Variants in GSPT1 observed in about 807,000 individuals in gnomAD.
GSPT1 encodes eukaryotic peptide chain release factor GTP-binding subunit ERF3A.
GSPT1 carries 20 observed loss-of-function variants against 72.5 expected under a neutral mutation model. The observed-to-expected ratio is 0.28, with a 90% CI of 0.19 to 0.40. The LOEUF is 0.40. Among genes scored for constraint, GSPT1 ranks in the 10% least tolerant of loss-of-function variants. The probability of loss-of-function intolerance (pLI) is 1.00; values close to 1 mark genes in which losing one functional copy is unlikely to be tolerated. For synonymous variants in GSPT1, 334 were observed against 293.5 expected (o/e 1.14, Z -1.41); for missense variants, 580 against 811.9 (o/e 0.71, Z 3.47).
chr16:11,903,854 G>C (rs1240698366), intron 1 of GSPT1: 2 of 152,388 alleles, frequency 1.3e-5, no homozygotes, highest in African/African-American at 4.8e-5. Flanking sequence ...ATGTGTCGTA[G>C]TTCAGGAACA....
At chr16:11,900,683 A>G (rs1005130026) in intron 1 of GSPT1, among the ~76,000 whole-genome samples, 1 of 152,202 alleles carries the variant, frequency 6.6e-6, no homozygotes, top group Non-Finnish European at 1.5e-5. Context: ...ACACACAGTT[A>G]TGATGTACTG....
rs1027422834 is a variant in GSPT1, at chr16:11,885,089, A to G, written c.1347+92T>C. 2.4e-5 allele frequency: 16 copies of G among 671,364 alleles called. 1 individual carries two copies. Among genetic ancestry groups the G allele is most frequent in the South Asian group, 9.9e-5 (6 of 60,340 alleles). 41.6% of individuals were successfully genotyped at this position (671,364 alleles called of 1,614,324 possible). A position where few individuals can be genotyped will look rare whatever the true frequency, so the allele number is the denominator to read the frequency against. ...TGTCAAAAAAAAAACAAGAAAGAAAAGAAAAGAAAAAAAGTTTTCAAAACT... is the reference window on the plus strand; with the variant it reads ...TGTCAAAAAAAAAACAAGAAAGAAAGGAAAAGAAAAAAAGTTTTCAAAACT... On this transcript the variant is annotated intron_variant, in intron 10 of 14. Transcript: ENST00000434724.
intron 4 of GSPT1, among the ~76,000 whole-genome samples, chr16:11,895,922 G>C (rs960699332): frequency 2.0e-5 from 3 of 152,224 alleles, no homozygotes; most frequent in African/African-American, 7.2e-5. Context: ...ACAGTGCCCA[G>C]CCGCTCCTTT....
intron 14 of GSPT1, 67 bp downstream of exon 14, chr16:11,875,694 G>A: frequency 8.9e-7 from 1 of 1,125,372 alleles, no homozygotes; most frequent in Non-Finnish European, 1.3e-6. Context: ...ACTGTACTGA[G>A]ATGATGAAGA....
chr16:11,886,948 A>G lies in GSPT1; in HGVS notation c.958-17T>C. 2 of 1,612,096 alleles carry G rather than the reference A, an allele frequency of 1.2e-6. No homozygotes were observed. Among genetic ancestry groups the G allele is most frequent in the Non-Finnish European group, 1.7e-6 (2 of 1,178,398 alleles). On this transcript the variant is annotated splice_polypyrimidine_tract_variant and intron_variant, in intron 7 of 14. Transcript: ENST00000434724. The stretch of plus-strand genomic sequence containing the variant: ...TGAGATTACCTAATTCCAAGAAAGG[A>G]AACAGTTTACTCCTTCGCCTTCAGG...
In GSPT1 at chr16:11,875,901, G is replaced by C; in HGVS notation, c.1721C>G (p.Ser574Ter). ...GGGTCGGGTCTTACTTTTTTCTCCT[G>C]ATTTTTTGTCTACCAAGCAGATTAA... ...TALICLVDKK[S>*]GEKSKTRPRF... Residue 574 changes from serine to a stop codon, truncating the protein, a stop_gained, in exon 14 of 15, where the codon TCA becomes TGA. Transcript: ENST00000434724. LOFTEE classifies it high-confidence loss of function. 1 of 1,613,250 alleles carries C rather than the reference G, an allele frequency of 6.2e-7. No homozygotes were observed. The highest frequency in any genetic ancestry group is 8.5e-7 in the Non-Finnish European group (1 of 1,179,688).
Position 11,886,630 on chromosome 16 carries a change from C to A in GSPT1, c.1113-19G>T. On this transcript the variant is annotated intron_variant, in intron 8 of 14. Transcript: ENST00000434724. Reference sequence around the variant, plus strand: ...TTCATATCTGCAATTATAATGTAACCAAAATAACTCAATTATAATGTAAAC... The same window carrying A: ...TTCATATCTGCAATTATAATGTAACAAAAATAACTCAATTATAATGTAAAC... 6.3e-7 allele frequency: 1 copy of A among 1,590,520 alleles called. No individual in the cohort carries two copies. Among genetic ancestry groups the A allele is most frequent in the Non-Finnish European group, 8.6e-7 (1 of 1,159,262 alleles).
At position 11,872,986 on chromosome 16, in the gene GSPT1, T is replaced by C. The variant is rs991147543; in HGVS notation, c.*133A>G. 6.5e-6 allele frequency: 4 copies of C among 614,988 alleles called. No homozygotes were observed. Among genetic ancestry groups the C allele is most frequent in the Non-Finnish European group, 1.2e-5 (4 of 332,218 alleles). The allele number at this position is 614,988 out of a possible 1,614,324, so 38.1% of individuals were successfully genotyped here. ...GAGAAAGCTGACATAATGTGGACTTTTGCTGTGAATTTCCTCTTTGCAAAA... is the reference window on the plus strand; with the variant it reads ...GAGAAAGCTGACATAATGTGGACTTCTGCTGTGAATTTCCTCTTTGCAAAA... On this transcript the variant is annotated 3_prime_UTR_variant, in exon 15 of 15. Transcript: ENST00000434724.
At chr16:11,886,325 G>C in intron 9 of GSPT1, 146 bp downstream of exon 9, 1 of 564,766 alleles carries the variant, frequency 1.8e-6, no homozygotes. Flanking sequence ...TTAAAGCCAA[G>C]GTTACATTTA....
chr16:11,897,810 C>G (rs542657870), intron 3 of GSPT1, 30 bp downstream of exon 3: 1 of 1,146,664 alleles, frequency 8.7e-7, no homozygotes, highest in Admixed American at 2.0e-5. Context: ...TTTCATATTA[C>G]TGTATTAATA....
Position 11,868,295 on chromosome 16 carries a change from A to C in GSPT1, c.*4824T>G, listed in dbSNP as rs907183591. ...AAAAGCTTTCTTTCCTACCTAGAGC[A>C]CTCTTCCATGCTTTGGAATTAGGCT... is the stretch of plus-strand genomic sequence containing the variant. On this transcript the variant is annotated 3_prime_UTR_variant, in exon 15 of 15. Coordinates refer to ENST00000434724, the MANE Select transcript of GSPT1 (RefSeq NM_002094.4). 6.6e-6 allele frequency: 1 copy of C among 151,154 alleles called. No homozygotes were observed. Among genetic ancestry groups the C allele is most frequent in the Admixed American group, 6.6e-5 (1 of 15,108 alleles). The allele number at this position is 151,154 out of a possible 1,614,324, so 9.4% of individuals were successfully genotyped here.
chr16:11,883,315 A>G (rs1303249463), intron 10 of GSPT1, among the ~76,000 whole-genome samples: 1 of 152,078 alleles, frequency 6.6e-6, no homozygotes, highest in Non-Finnish European at 1.5e-5. Context: ...CCTATAATTT[A>G]AAAAGAAAAT....
At chr16:11,889,621 C>A (rs1045086321) in intron 6 of GSPT1, among the ~76,000 whole-genome samples, 1 of 151,230 alleles carries the variant, frequency 6.6e-6, no homozygotes, top group African/African-American at 2.4e-5. Context: ...GATTCTCCTG[C>A]CTCAGCCCCC....
At chr16:11,897,722 G>A in intron 3 of GSPT1, 118 bp downstream of exon 3, 1 of 659,248 alleles carries the variant, frequency 1.5e-6, no homozygotes, top group South Asian at 1.7e-5. Flanking sequence ...TAATAGCAAA[G>A]ACTCAATGTG....
At chr16:11,891,016 C>T (rs887417096) in intron 6 of GSPT1, 46 bp downstream of exon 6, 1 of 832,060 alleles carries the variant, frequency 1.2e-6, no homozygotes, top group East Asian at 2.7e-5. Flanking sequence ...AAGTGGGCAT[C>T]GTCTCCTTAA....
At chr16:11,874,286 A>G (rs1162174265) in intron 14 of GSPT1, among the ~76,000 whole-genome samples, 1 of 152,024 alleles carries the variant, frequency 6.6e-6, no homozygotes, top group Non-Finnish European at 1.5e-5. Context: ...TATCTCAATA[A>G]AGCTGCTAAA....
In GSPT1 at chr16:11,885,155, C is replaced by T. The variant is rs1392956568; in HGVS notation, c.1347+26G>A. On this transcript the variant is annotated intron_variant, in intron 10 of 14. Transcript: ENST00000434724. Reference sequence around the variant, plus strand: ...AACAATGATTTCCCCTCCCAGGAAACCCAATTTCTTTAACATTTTGGGTAC... The same window carrying T: ...AACAATGATTTCCCCTCCCAGGAAATCCAATTTCTTTAACATTTTGGGTAC... 7 of 1,091,188 alleles carry T rather than the reference C, an allele frequency of 6.4e-6. No homozygotes were observed. In the East Asian group the frequency reaches 1.4e-4, roughly 22 times the overall value. The allele number at this position is 1,091,188 out of a possible 1,614,324, so 67.6% of individuals were successfully genotyped here.
At chr16:11,882,955 T>C in intron 11 of GSPT1, 60 bp downstream of exon 11, 2 of 1,072,714 alleles carry the variant, frequency 1.9e-6, no homozygotes, top group Non-Finnish European at 1.4e-6. Flanking sequence ...AGACCCTATC[T>C]CTTAAAGAAA....
intron 1 of GSPT1, among the ~76,000 whole-genome samples, chr16:11,910,177 G>T (rs1219020293): frequency 6.6e-6 from 1 of 152,030 alleles, no homozygotes; most frequent in Non-Finnish European, 1.5e-5. Flanking sequence ...GGCCCAGGAG[G>T]CCAGAAAAAA....
Sources: allele counts gnomAD v4.1 joint callset (sites outside exome capture counted in the v4.1 genomes callset), GRCh38; gene constraint gnomAD v4.1.1; transcripts MANE v1.5; gene names NCBI Gene and HGNC (gene_info 2026-07-23, HGNC 2026-07-21).